The following KCNK13 variants were observed in gnomAD, a reference collection of about 807,000 sequenced individuals.
KCNK13 encodes the protein potassium channel subfamily K member 13.
KCNK13 carries 12 observed loss-of-function variants against 23.4 expected under a neutral mutation model. The ratio of observed to expected loss-of-function variants is 0.51; its 90% confidence interval spans 0.33 to 0.83. The LOEUF (loss-of-function observed/expected upper bound fraction) is 0.83. KCNK13 is among the 40% of genes least tolerant of loss of function. KCNK13 has a pLI of 0.02. For synonymous variants in KCNK13, 231 were observed against 229.5 expected, an observed-to-expected ratio of 1.01 and a Z score of -0.06; for missense variants, 463 against 556.3, an observed-to-expected ratio of 0.83 and a Z score of 1.69.
intron 1 of KCNK13, among the ~76,000 whole-genome samples, chr14:90,131,004 C>T (rs537719916): frequency 1.6e-4 from 25 of 152,196 alleles, no homozygotes; most frequent in African/African-American, 5.3e-4. Context: ...TTGGTCTCTC[C>T]TTAGCTTCAG....
intron 1 of KCNK13, among the ~76,000 whole-genome samples, chr14:90,109,240 T>A (rs755781891): frequency 1.1e-4 from 16 of 152,020 alleles, no homozygotes; most frequent in Non-Finnish European, 2.1e-4. Context: ...ATTATTAATT[T>A]CCTTCTTCAG....
At position 90,112,558 on chromosome 14, in the gene KCNK13, TA is replaced by T. The variant is rs1209748357; in HGVS notation, c.334+50026del. ...ATATAATAGTTAAAATTGCAAGTGA[TA>T]AAAAAATTGTTGCAAATGAGAAACT... On this transcript the variant is annotated intron_variant, in intron 1 of 1. Coordinates refer to ENST00000282146, the MANE Select transcript of KCNK13 (RefSeq NM_022054.4). Among the ~76,000 whole-genome samples, 4 of 152,250 alleles carry T rather than the reference TA, an allele frequency of 2.6e-5. No homozygotes were observed. The East Asian group carries it at 5.8e-4, about 22-fold the overall frequency.
chr14:90,062,304 C>T lies in KCNK13; in HGVS notation c.99C>T (p.Gly33=). Residue 33 remains glycine, a synonymous_variant, in exon 1 of 2, where the codon GGC becomes GGT. Transcript: ENST00000282146. This position sits in a 1 kb window ranked among gnomAD's most constrained non-coding sequence, Gnocchi z 4.5. The stretch of plus-strand genomic sequence containing the variant: ...CGCTCATCGTGCTCTACCTGCTGGG[C>T]GGCGCCGCCGTCTTCTCCGCGCTGG... ...LAALIVLYLL[G]GAAVFSALEL... 2 of 1,553,082 alleles carry T rather than the reference C, an allele frequency of 1.3e-6. No homozygotes were observed. The highest frequency in any genetic ancestry group is 8.6e-7 in the Non-Finnish European group (1 of 1,156,864).
intron 1 of KCNK13, among the ~76,000 whole-genome samples, chr14:90,079,982 G>C (rs1321335668): frequency 6.6e-6 from 1 of 152,200 alleles, no homozygotes; most frequent in African/African-American, 2.4e-5. Flanking sequence ...TTGCAGATGA[G>C]GGAGAGAAGG....
chr14:90,175,015 C>A (rs1029625897), intron 1 of KCNK13, among the ~76,000 whole-genome samples: 10 of 152,132 alleles, frequency 6.6e-5, no homozygotes, highest in African/African-American at 2.2e-4. Context: ...CCTCAGCTCC[C>A]CCTTATCTGA....
At chr14:90,124,281 G>T (rs1463729432) in intron 1 of KCNK13, among the ~76,000 whole-genome samples, 1 of 152,216 alleles carries the variant, frequency 6.6e-6, no homozygotes, top group Non-Finnish European at 1.5e-5. Flanking sequence ...TGTGCTGATG[G>T]AATAGGCCAA....
chr14:90,082,085 A>G (rs1033433338), intron 1 of KCNK13, among the ~76,000 whole-genome samples: 2 of 152,170 alleles, frequency 1.3e-5, no homozygotes, highest in African/African-American at 2.4e-5. Context: ...TTTTCAAAAC[A>G]GAGTCTCACT....
chr14:90,107,786 A>G (rs1889564408), intron 1 of KCNK13: 4 of 853,362 alleles, frequency 4.7e-6, no homozygotes, highest in African/African-American at 3.3e-5. Flanking sequence ...TCAACTGCCC[A>G]TCAAACAAGG....
At chr14:90,177,995 GCTGCAGACACA>G (rs889389484) in intron 1 of KCNK13, among the ~76,000 whole-genome samples, 7 of 152,082 alleles carry the variant, frequency 4.6e-5, no homozygotes, top group South Asian at 4.1e-4. Context: ...CGTGACTCAT[GCTGCAGACACA>G]CTGCAGACAC....
At chr14:90,075,601 C>A (rs1889125043) in intron 1 of KCNK13, among the ~76,000 whole-genome samples, 1 of 152,156 alleles carries the variant, frequency 6.6e-6, no homozygotes, top group Non-Finnish European at 1.5e-5. Flanking sequence ...GCCTCAGCCT[C>A]CTGAGTAGCT....
At chr14:90,149,070 C>T (rs1320880453) in intron 1 of KCNK13, among the ~76,000 whole-genome samples, 6 of 152,056 alleles carry the variant, frequency 3.9e-5, no homozygotes, top group African/African-American at 7.2e-5. Flanking sequence ...AAGAAAAAGA[C>T]GTTTGCCCAG....
intron 1 of KCNK13, among the ~76,000 whole-genome samples, chr14:90,098,208 G>A (rs1467450899): frequency 6.6e-6 from 1 of 152,208 alleles, no homozygotes; most frequent in Non-Finnish European, 1.5e-5. Context: ...ATCATTTCCA[G>A]TAACACATGG....
At chr14:90,100,292 G>A (rs945754702) in intron 1 of KCNK13, among the ~76,000 whole-genome samples, 19 of 152,128 alleles carry the variant, frequency 1.2e-4, no homozygotes, top group African/African-American at 4.3e-4. Flanking sequence ...AATAGGTGCC[G>A]TGGCTGCATT....
At chr14:90,122,398 A>G (rs1596787427) in intron 1 of KCNK13, among the ~76,000 whole-genome samples, 1 of 150,104 alleles carries the variant, frequency 6.7e-6, no homozygotes, top group South Asian at 2.1e-4. Context: ...GCTCACTGCC[A>G]CCTCCACCTC....
intron 1 of KCNK13, among the ~76,000 whole-genome samples, chr14:90,152,723 G>A (rs192900275): frequency 6.6e-6 from 1 of 152,300 alleles, no homozygotes; most frequent in East Asian, 1.9e-4. Context: ...TTTAAAATCA[G>A]ATAGTGTGAT....
chr14:90,172,097 A>G (rs1890370799), intron 1 of KCNK13, among the ~76,000 whole-genome samples: 1 of 152,070 alleles, frequency 6.6e-6, no homozygotes, highest in Admixed American at 6.6e-5. Context: ...TGGGCAGATC[A>G]CCTGAGGTCA....
intron 1 of KCNK13, among the ~76,000 whole-genome samples, chr14:90,111,037 T>G (rs1184285450): frequency 6.6e-6 from 1 of 151,308 alleles, no homozygotes; most frequent in African/African-American, 2.4e-5. Flanking sequence ...TCCCTGAATC[T>G]CTGAGTCTCA....
At position 90,120,496 on chromosome 14, in the gene KCNK13, G is replaced by A. The variant is rs553548386; in HGVS notation, c.334+57957G>A. Among the ~76,000 whole-genome samples the A allele has an allele frequency of 6.6e-5, 10 of 152,304 alleles. No homozygotes were observed. The East Asian group carries it at 7.7e-4, about 12-fold the overall frequency. ...ACTTACAATCATGGTGGAAGGGGAAGCAAACACGTCCTTCTTCACATGGTG... is the reference window on the plus strand; with the variant it reads ...ACTTACAATCATGGTGGAAGGGGAAACAAACACGTCCTTCTTCACATGGTG... On this transcript the variant is annotated intron_variant, in intron 1 of 1. Transcript: ENST00000282146.
At chr14:90,165,814 C>T (rs1890296243) in intron 1 of KCNK13, among the ~76,000 whole-genome samples, 1 of 152,176 alleles carries the variant, frequency 6.6e-6, no homozygotes, top group Non-Finnish European at 1.5e-5. Context: ...CAACCATCAT[C>T]CTGGCTGACC....
Sources: allele counts gnomAD v4.1 joint callset (sites outside exome capture counted in the v4.1 genomes callset), GRCh38; gene constraint gnomAD v4.1.1; non-coding constraint Gnocchi (gnomAD v3.1); transcripts MANE v1.5; gene names NCBI Gene and HGNC (gene_info 2026-07-23, HGNC 2026-07-21).